Variants in RBFOX1 observed in about 807,000 individuals in gnomAD.
The protein encoded by RBFOX1 is RNA binding protein fox-1 homolog 1.
RBFOX1 carries 8 observed loss-of-function variants against 57.7 expected under a neutral mutation model. The observed-to-expected ratio is 0.14, with a 90% CI of 0.08 to 0.25. The LOEUF (loss-of-function observed/expected upper bound fraction) is 0.25, where lower values mean the gene tolerates loss of function less well. RBFOX1 is among the 10% of genes least tolerant of loss of function. RBFOX1 has a pLI of 1.00. For synonymous variants in RBFOX1, 326 were observed against 222.4 expected, an observed-to-expected ratio of 1.47 and a Z score of -4.15; for missense variants, 611 against 548.5, an observed-to-expected ratio of 1.11 and a Z score of -1.14.
intron 3 of RBFOX1, chr16:5,838,274 T>G (rs1425346597): frequency 1.3e-5 from 3 of 227,908 alleles, no homozygotes; most frequent in Non-Finnish European, 9.3e-6. Context: ...CAACAGCTCC[T>G]GAGGTATGGG....
intron 3 of RBFOX1, among the ~76,000 whole-genome samples, chr16:6,740,622 A>T (rs1425169911): frequency 6.6e-6 from 1 of 152,196 alleles, no homozygotes; most frequent in Non-Finnish European, 1.5e-5. Context: ...CTTAAAATAC[A>T]ATACAATTTT....
intron 3 of RBFOX1, among the ~76,000 whole-genome samples, chr16:5,848,115 C>T (rs2056802847): frequency 6.6e-6 from 1 of 152,082 alleles, no homozygotes; most frequent in South Asian, 2.1e-4. Flanking sequence ...CTGTGAGGAA[C>T]ATCTGTGCTA....
intron 2 of RBFOX1, among the ~76,000 whole-genome samples, chr16:6,617,032 G>A (rs1788285600): frequency 6.6e-6 from 1 of 152,102 alleles, no homozygotes; most frequent in African/African-American, 2.4e-5. Flanking sequence ...GGAAAAGTTT[G>A]TTGATTACCG....
intron 5 of RBFOX1, among the ~76,000 whole-genome samples, chr16:7,549,285 G>A (rs2085592613): frequency 6.6e-6 from 1 of 152,204 alleles, no homozygotes; most frequent in African/African-American, 2.4e-5. Context: ...CTGTAGGACT[G>A]TGAATAAGCA....
chr16:6,557,941 A>G (rs982175371), intron 2 of RBFOX1, among the ~76,000 whole-genome samples: 3 of 152,210 alleles, frequency 2.0e-5, no homozygotes, highest in Non-Finnish European at 4.4e-5. Context: ...TGCCCAACTC[A>G]TCTTAATTAA....
intron 2 of RBFOX1, among the ~76,000 whole-genome samples, chr16:5,588,991 T>C (rs952806968): frequency 1.3e-5 from 2 of 152,150 alleles, no homozygotes; most frequent in African/African-American, 4.8e-5. Flanking sequence ...CATGGCCTCA[T>C]AGGAGCAGTT....
chr16:6,211,564 A>C (rs1282355027), intron 1 of RBFOX1, among the ~76,000 whole-genome samples: 1 of 152,134 alleles, frequency 6.6e-6, no homozygotes, highest in Non-Finnish European at 1.5e-5. Flanking sequence ...ATGTGTTAGA[A>C]TGGTTTTAGC....
At chr16:6,950,113 AT>A (rs58222300) in intron 3 of RBFOX1, among the ~76,000 whole-genome samples, 4,649 of 120,856 alleles carry the variant, frequency 0.038, 162 homozygotes, top group African/African-American at 0.1. Flanking sequence ...CGCAGAGGTA[AT>A]TTTTTTTTTT....
At chr16:5,813,083 C>G (rs1597352321) in intron 3 of RBFOX1, among the ~76,000 whole-genome samples, 1 of 150,958 alleles carries the variant, frequency 6.6e-6, no homozygotes, top group Admixed American at 6.6e-5. Flanking sequence ...TCTTGGCTCA[C>G]TGCAACCTCC....
chr16:6,686,667 G>A (rs1300427175), intron 3 of RBFOX1, among the ~76,000 whole-genome samples: 1 of 152,112 alleles, frequency 6.6e-6, no homozygotes, highest in African/African-American at 2.4e-5. Flanking sequence ...AGACACAAAG[G>A]TAAGCATTTT....
At chr16:6,725,513 T>C (rs2066989652) in intron 3 of RBFOX1, among the ~76,000 whole-genome samples, 1 of 152,066 alleles carries the variant, frequency 6.6e-6, no homozygotes, top group Admixed American at 6.5e-5. Context: ...GTTTTGGGAA[T>C]TGCCCACCCC....
intron 3 of RBFOX1, among the ~76,000 whole-genome samples, chr16:5,641,016 C>G (rs1033214817): frequency 7.9e-5 from 12 of 151,234 alleles, no homozygotes; most frequent in Non-Finnish European, 1.5e-4. Flanking sequence ...CACATACATG[C>G]ACACCATGCA....
chr16:6,671,021 C>G (rs1231635580), intron 3 of RBFOX1, among the ~76,000 whole-genome samples: 1 of 152,072 alleles, frequency 6.6e-6, no homozygotes, highest in South Asian at 2.1e-4. Flanking sequence ...AAACTGGTTT[C>G]CTTATTTACT....
chr16:5,266,304 G>A (rs2062855712), intron 1 of RBFOX1, among the ~76,000 whole-genome samples: 1 of 152,140 alleles, frequency 6.6e-6, no homozygotes, highest in African/African-American at 2.4e-5. Flanking sequence ...ACTGGATGCA[G>A]TAACACAACT....
intron 3 of RBFOX1, among the ~76,000 whole-genome samples, chr16:5,794,513 T>C (rs952570970): frequency 2.1e-4 from 31 of 149,776 alleles, no homozygotes; most frequent in Middle Eastern, 3.4e-3. Flanking sequence ...CCAGCGTGCG[T>C]GTGTGTGTGT....
intron 1 of RBFOX1, among the ~76,000 whole-genome samples, chr16:5,268,836 G>A (rs2062927665): frequency 6.6e-6 from 1 of 152,218 alleles, no homozygotes; most frequent in Non-Finnish European, 1.5e-5. Flanking sequence ...TCTCACAGTG[G>A]CTACACCATT....
chr16:6,977,914 C>G (rs1465729932), intron 3 of RBFOX1, among the ~76,000 whole-genome samples: 1 of 144,644 alleles, frequency 6.9e-6, no homozygotes, highest in Non-Finnish European at 1.5e-5. Flanking sequence ...CAAGAGGAAA[C>G]TGCCTCTTCC....
At chr16:7,553,728 G>A (rs967045843) in intron 5 of RBFOX1, among the ~76,000 whole-genome samples, 1 of 152,202 alleles carries the variant, frequency 6.6e-6, no homozygotes, top group African/African-American at 2.4e-5. Flanking sequence ...GTAGGTTAGA[G>A]TTAGCTGACT....
intron 3 of RBFOX1, among the ~76,000 whole-genome samples, chr16:6,851,573 T>G (rs2094065815): frequency 6.6e-6 from 1 of 152,218 alleles, no homozygotes; most frequent in Non-Finnish European, 1.5e-5. Flanking sequence ...TCTGCCAAAT[T>G]GTAAGAGCTT....
Sources: allele counts gnomAD v4.1 joint callset (sites outside exome capture counted in the v4.1 genomes callset), GRCh38; gene constraint gnomAD v4.1.1; transcripts MANE v1.5; gene names NCBI Gene and HGNC (gene_info 2026-07-23, HGNC 2026-07-21).